The following GPAM variants were observed in gnomAD, a reference collection of about 807,000 sequenced individuals.
GPAM encodes the protein glycerol-3-phosphate acyltransferase, mitochondrial, also known as glycerol-3-phosphate acyltransferase 1, mitochondrial.
GPAM carries 56 observed loss-of-function variants against 105.0 expected under a neutral mutation model. The observed-to-expected ratio is 0.53, with a 90% CI of 0.43 to 0.67. The LOEUF (loss-of-function observed/expected upper bound fraction) is 0.67, where lower values mean the gene tolerates loss of function less well. Ranked by LOEUF, GPAM falls within the 30% of genes least tolerant of loss-of-function variation. The pLI is 0.00. For synonymous variants in GPAM, 368 were observed against 354.4 expected, an observed-to-expected ratio of 1.04 and a Z score of -0.43; for missense variants, 855 against 989.8, an observed-to-expected ratio of 0.86 and a Z score of 1.83.
intron 5 of GPAM, among the ~76,000 whole-genome samples, chr10:112,176,862 A>T (rs1169339731): frequency 2.0e-5 from 3 of 152,248 alleles, no homozygotes; most frequent in Non-Finnish European, 2.9e-5. Context: ...TAAATAGCTG[A>T]ACATGCAGCT....
intron 5 of GPAM, 69 bp from the exon 6 acceptor site, chr10:112,175,782 A>C (rs1847393016): frequency 1.1e-6 from 1 of 951,916 alleles, no homozygotes; most frequent in Non-Finnish European, 1.7e-6. Context: ...TCATAAACTA[A>C]TTTTCCGCCC....
intron 11 of GPAM, 84 bp from the exon 12 acceptor site, chr10:112,166,599 T>G: frequency 1.2e-6 from 1 of 831,884 alleles, no homozygotes; most frequent in Admixed American, 1.7e-5. Flanking sequence ...AATAACTTGT[T>G]TTATGGAAAC....
At chr10:112,215,965 C>T (rs547597753), upstream of GPAM, among the ~76,000 whole-genome samples, 1 of 152,278 alleles carries the variant, frequency 6.6e-6, no homozygotes, top group South Asian at 2.1e-4. Context: ...TTGCTCTGTT[C>T]GGCTTATGAA....
In GPAM at chr10:112,152,669, C is replaced by G; in HGVS notation, c.*881G>C. On this transcript the variant is annotated 3_prime_UTR_variant, in exon 22 of 22. Transcript: ENST00000348367. The stretch of plus-strand genomic sequence containing the variant: ...AAACTGCTATTTGGTTGGAGGATTT[C>G]CAAGAAACAGCTGTACCTGTGAGAG... 1 of 985,378 alleles carries G rather than the reference C, an allele frequency of 1.0e-6. No individual in the cohort carries two copies. Among genetic ancestry groups the G allele is most frequent in the Non-Finnish European group, 1.2e-6 (1 of 829,886 alleles). 61.0% of individuals were successfully genotyped at this position (985,378 alleles called of 1,614,324 possible).
chr10:112,173,305 T>G (rs900853610), intron 7 of GPAM, among the ~76,000 whole-genome samples: 1 of 152,178 alleles, frequency 6.6e-6, no homozygotes, highest in African/African-American at 2.4e-5. Context: ...ACTACAGTCA[T>G]AGTTCACTCT....
In GPAM at chr10:112,168,493, A is replaced by G; in HGVS notation, c.926T>C (p.Phe309Ser). 1.2e-6 allele frequency: 2 copies of G among 1,612,016 alleles called. No homozygotes were observed. Among genetic ancestry groups the G allele is most frequent in the East Asian group, 2.2e-5 (1 of 44,858 alleles). ...HIVELLRQQQ[F>S]LEIFLEGTRS... Reference sequence around the variant, plus strand: ...TGTGCCTTCCAGGAAGATCTCCAAGAATTGCTGCTGTCGAAGTAATTCAAC... The same window carrying G: ...TGTGCCTTCCAGGAAGATCTCCAAGGATTGCTGCTGTCGAAGTAATTCAAC... Residue 309 changes from phenylalanine (F) to serine (S), a missense_variant, in exon 11 of 22, where the codon TTC becomes TCC. Transcript: ENST00000348367.
chr10:112,212,925 T>C (rs2133308865), intron 1 of GPAM, among the ~76,000 whole-genome samples: 1 of 152,346 alleles, frequency 6.6e-6, no homozygotes, highest in African/African-American at 2.4e-5. Flanking sequence ...CCTCTTCATG[T>C]TTAGGCGAAA....
At chr10:112,182,033 T>C (rs529683929) in intron 2 of GPAM, among the ~76,000 whole-genome samples, 1 of 152,186 alleles carries the variant, frequency 6.6e-6, no homozygotes, top group Non-Finnish European at 1.5e-5. Flanking sequence ...AGCATTTGTA[T>C]TCTAAGACTT....
intron 1 of GPAM, among the ~76,000 whole-genome samples, chr10:112,191,608 T>C (rs934929374): frequency 4.6e-5 from 7 of 152,240 alleles, no homozygotes; most frequent in African/African-American, 1.7e-4. Context: ...TGAGGTTTCC[T>C]AAGACCTGGA....
In GPAM at chr10:112,151,243, C is replaced by T. The variant is rs555268982; in HGVS notation, c.*2307G>A. The T allele has an allele frequency of 1.0e-6, 1 of 985,466 alleles. No individual in the cohort carries two copies. The highest frequency in any genetic ancestry group is 6.2e-5 in the Admixed American group (1 of 16,252). 61.0% of individuals were successfully genotyped at this position (985,466 alleles called of 1,614,324 possible). A position where few individuals can be genotyped will look rare whatever the true frequency, so the allele number is the denominator to read the frequency against. On this transcript the variant is annotated 3_prime_UTR_variant, in exon 22 of 22. Transcript: ENST00000348367. Reference sequence around the variant, plus strand: ...TAGTTTGTTTAACCTTATGTGGAAGCCATCACTGTTGGAAAACAATGAGAA... The same window carrying T: ...TAGTTTGTTTAACCTTATGTGGAAGTCATCACTGTTGGAAAACAATGAGAA...
At chr10:112,199,861 T>A (rs960013365) in intron 1 of GPAM, among the ~76,000 whole-genome samples, 1 of 152,112 alleles carries the variant, frequency 6.6e-6, no homozygotes, top group Non-Finnish European at 1.5e-5. Context: ...CCGCCCCCCA[T>A]GATTCAATTA....
chr10:112,225,387 C>G, the GPAM span, among the ~76,000 whole-genome samples: 1 of 152,154 alleles, frequency 6.6e-6, no homozygotes, highest in Non-Finnish European at 1.5e-5. Context: ...GGGTTCAAAA[C>G]TTCTGGGTAC....
chr10:112,157,909 G>T (rs1847046057), intron 18 of GPAM, among the ~76,000 whole-genome samples: 4 of 152,124 alleles, frequency 2.6e-5, no homozygotes, highest in African/African-American at 7.2e-5. Flanking sequence ...CTCTACATCT[G>T]AACATGACTA....
intron 13 of GPAM, among the ~76,000 whole-genome samples, chr10:112,164,024 T>C (rs1170191969): frequency 6.6e-6 from 1 of 152,212 alleles, no homozygotes; most frequent in Non-Finnish European, 1.5e-5. Flanking sequence ...GACTAAATAG[T>C]CTGTTGATAC....
chr10:112,161,619 A>G, intron 15 of GPAM, 48 bp downstream of exon 15: 1 of 1,477,656 alleles, frequency 6.8e-7, no homozygotes, highest in Non-Finnish European at 9.5e-7. Context: ...CAGCTGACAA[A>G]ACATTCTCCT....
At chr10:112,156,194 C>T (rs1847015613) in intron 19 of GPAM, 141 bp from the exon 20 acceptor site, 1 of 687,704 alleles carries the variant, frequency 1.5e-6, no homozygotes, top group Admixed American at 2.1e-5. Flanking sequence ...CGGCCCCCTG[C>T]CCCTCATGCA....
chr10:112,179,033 G>A (rs1309149674), intron 4 of GPAM, among the ~76,000 whole-genome samples: 1 of 152,120 alleles, frequency 6.6e-6, no homozygotes, highest in African/African-American at 2.4e-5. Context: ...AAAGCACAAT[G>A]TTCCCTCAAC....
In GPAM at chr10:112,151,133, CCA is replaced by C. The variant is rs1200656011; in HGVS notation, c.*2415_*2416del. On this transcript the variant is annotated 3_prime_UTR_variant, in exon 22 of 22. Coordinates refer to ENST00000348367, the MANE Select transcript of GPAM (RefSeq NM_001244949.2). ...ATATTGTTTTTTTTTTTTAACTTGA[CCA>C]CAGTCTTCCCCTGAAGAAGGGCATG... 1.5e-5 allele frequency: 15 copies of C among 981,376 alleles called. No homozygotes were observed. The highest frequency in any genetic ancestry group is 1.8e-5 in the African/African-American group (1 of 56,930). 60.8% of individuals were successfully genotyped at this position (981,376 alleles called of 1,614,324 possible).
the GPAM span, among the ~76,000 whole-genome samples, chr10:112,226,988 G>C: frequency 3.9e-5 from 6 of 152,136 alleles, no homozygotes. Context: ...CCCCGGACAT[G>C]TTCCAAGACT....
Sources: allele counts gnomAD v4.1 joint callset (sites outside exome capture counted in the v4.1 genomes callset), GRCh38; gene constraint gnomAD v4.1.1; transcripts MANE v1.5; gene names NCBI Gene and HGNC (gene_info 2026-07-23, HGNC 2026-07-21).